NDST3: variants seen among roughly 807,000 people sequenced by gnomAD.
NDST3 encodes N-deacetylase and N-sulfotransferase 3.
NDST3 carries 58 observed loss-of-function variants against 96.1 expected under a neutral mutation model. The ratio of observed to expected loss-of-function variants is 0.60; its 90% confidence interval spans 0.49 to 0.75. The LOEUF is 0.75. Among genes scored for constraint, NDST3 ranks in the 30% least tolerant of loss-of-function variants. NDST3 has a pLI of 0.00. For synonymous variants in NDST3, 333 were observed against 359.7 expected (o/e 0.93, Z 0.84); for missense variants, 788 against 1,034.2 (o/e 0.76, Z 3.27).
At chr4:118,167,373 C>T in intron 6 of NDST3, among the ~76,000 whole-genome samples, 1 of 151,790 alleles carries the variant, frequency 6.6e-6, no homozygotes, top group Non-Finnish European at 1.5e-5. Context: ...GCAACTTGTA[C>T]ACTGAAAACT....
At chr4:118,157,428 GTTT>G (rs35472465) in intron 6 of NDST3, among the ~76,000 whole-genome samples, 5 of 128,058 alleles carry the variant, frequency 3.9e-5, no homozygotes, top group Admixed American at 8.1e-5. Flanking sequence ...TTTTGTTTTT[GTTT>G]TTTTTTTTTT....
At chr4:118,166,332 C>T (rs554435361) in intron 6 of NDST3, among the ~76,000 whole-genome samples, 1 of 151,898 alleles carries the variant, frequency 6.6e-6, no homozygotes, top group South Asian at 2.1e-4. Flanking sequence ...TAAACACATA[C>T]AACCCCCAAG....
intron 12 of NDST3, among the ~76,000 whole-genome samples, chr4:118,243,138 C>CT (rs1471132384): frequency 6.6e-6 from 1 of 151,712 alleles, no homozygotes; most frequent in African/African-American, 2.4e-5. Flanking sequence ...CTGAAAAAGA[C>CT]TATCATGGAA....
intron 6 of NDST3, chr4:118,194,211 A>T (rs12505156): frequency 2.7e-6 from 2 of 743,446 alleles, no homozygotes; most frequent in South Asian, 1.4e-5. Context: ...TGTTCAAAGA[A>T]CTAGTCCTTG....
At position 118,072,953 on chromosome 4, in the gene NDST3, T is replaced by C. The variant is rs181340268; in HGVS notation, c.981+18062T>C. Among the ~76,000 whole-genome samples, 104 of 152,262 alleles carry C rather than the reference T, an allele frequency of 6.8e-4. 1 individual carries two copies. Among genetic ancestry groups the C allele is most frequent in the African/African-American group, 2.5e-3 (103 of 41,578 alleles). On this transcript the variant is annotated intron_variant, in intron 2 of 13. Transcript: ENST00000296499. ...TTAACATGAAGGAAGTTGAATTTTA[T>C]CGAAAGCTTTTCTGCATTAATTGAG...
chr4:118,056,185 T>C (rs978080042), intron 2 of NDST3, among the ~76,000 whole-genome samples: 10 of 151,976 alleles, frequency 6.6e-5, no homozygotes, highest in African/African-American at 2.2e-4. Flanking sequence ...GTGAGAAATG[T>C]TTTCAATATG....
chr4:118,192,365 A>G (rs527839078), intron 6 of NDST3, among the ~76,000 whole-genome samples: 85 of 152,270 alleles, frequency 5.6e-4, no homozygotes, highest in African/African-American at 2.0e-3. Context: ...GCCCAGATCA[A>G]TGTCTTAGAG....
At chr4:118,211,099 C>G (rs905508545) in intron 6 of NDST3, among the ~76,000 whole-genome samples, 6 of 152,130 alleles carry the variant, frequency 3.9e-5, no homozygotes, top group African/African-American at 1.4e-4. Flanking sequence ...TCTCCTGCAC[C>G]AGGTCTCAGG....
chr4:118,085,079 C>T (rs1474365420), intron 2 of NDST3, among the ~76,000 whole-genome samples: 2 of 152,054 alleles, frequency 1.3e-5, no homozygotes, highest in Non-Finnish European at 1.5e-5. Flanking sequence ...GCTGAGATCA[C>T]GCTATTGCAC....
intron 2 of NDST3, among the ~76,000 whole-genome samples, chr4:118,068,301 G>A (rs2125796324): frequency 6.7e-6 from 1 of 149,868 alleles, no homozygotes; most frequent in Middle Eastern, 3.5e-3. Flanking sequence ...AAGTATACCT[G>A]TACTTTTATT....
intron 6 of NDST3, among the ~76,000 whole-genome samples, chr4:118,218,066 C>CA (rs1011389770): frequency 3.3e-5 from 5 of 151,138 alleles, no homozygotes; most frequent in Admixed American, 1.3e-4. Flanking sequence ...GCCTACCAAC[C>CA]AAAAAAAAGC....
chr4:118,104,729 G>A (rs1015821877), intron 2 of NDST3, among the ~76,000 whole-genome samples: 7 of 152,006 alleles, frequency 4.6e-5, no homozygotes, highest in East Asian at 1.9e-4. Context: ...GTACTAGATC[G>A]TAGTTCTTTT....
chr4:118,231,835 C>G (rs1466442930), intron 8 of NDST3, among the ~76,000 whole-genome samples: 1 of 152,200 alleles, frequency 6.6e-6, no homozygotes, highest in Non-Finnish European at 1.5e-5. Flanking sequence ...GCCTTACTTT[C>G]TCTTGTACCA....
intron 6 of NDST3, among the ~76,000 whole-genome samples, chr4:118,168,839 G>A (rs1378559719): frequency 1.3e-5 from 2 of 152,156 alleles, no homozygotes; most frequent in African/African-American, 4.8e-5. Context: ...GATCAACATT[G>A]AGGACATTAT....
At chr4:118,243,544 A>T (rs1199905845) in intron 12 of NDST3, among the ~76,000 whole-genome samples, 4 of 152,238 alleles carry the variant, frequency 2.6e-5, no homozygotes, top group Non-Finnish European at 5.9e-5. Context: ...GGTATTTAAC[A>T]TTCAACTTGA....
intron 2 of NDST3, among the ~76,000 whole-genome samples, chr4:118,058,237 T>C (rs1187659556): frequency 4.6e-5 from 7 of 151,998 alleles, no homozygotes; most frequent in African/African-American, 7.2e-5. Context: ...AATCACTGCA[T>C]GGATGTTATT....
intron 6 of NDST3, among the ~76,000 whole-genome samples, chr4:118,190,822 C>A (rs2125964807): frequency 6.6e-6 from 1 of 152,288 alleles, no homozygotes; most frequent in Admixed American, 6.5e-5. Context: ...AACATAAGCT[C>A]CACAGTCAAA....
intron 3 of NDST3, among the ~76,000 whole-genome samples, chr4:118,110,248 A>C (rs1730530567): frequency 6.6e-6 from 1 of 152,226 alleles, no homozygotes; most frequent in Non-Finnish European, 1.5e-5. Context: ...ATTAACAATG[A>C]GAAGAGCAAT....
intron 4 of NDST3, among the ~76,000 whole-genome samples, chr4:118,132,970 C>G (rs532915182): frequency 2.0e-5 from 3 of 152,298 alleles, no homozygotes; most frequent in African/African-American, 7.2e-5. Flanking sequence ...TTGCTCTCCT[C>G]GCCTTAAACA....
Sources: gnomAD v4.1 joint callset for allele counts (sites outside exome capture counted in the v4.1 genomes callset) on GRCh38, gnomAD v4.1.1 for gene constraint, MANE v1.5 for transcripts, NCBI Gene and HGNC (gene_info 2026-07-23, HGNC 2026-07-21) for gene names.